Variants in TENM1 observed in about 807,000 individuals in gnomAD.
TENM1 encodes the protein teneurin-1.
TENM1 carries 35 observed loss-of-function variants against 174.8 expected under a neutral mutation model. The observed-to-expected ratio is 0.20, with a 90% CI of 0.15 to 0.27. The LOEUF (loss-of-function observed/expected upper bound fraction) is 0.27. TENM1 is among the 10% of genes least tolerant of loss of function. TENM1 has a pLI of 1.00. For missense variants in TENM1, 1,633 were observed against 2,130.1 expected (o/e 0.77, Z 4.59); for synonymous variants, 781 against 798.7 (o/e 0.98, Z 0.37).
intron 3 of TENM1, among the ~76,000 whole-genome samples, chrX:124,870,213 A>C (rs945441079): frequency 1.8e-5 from 2 of 111,954 alleles, no homozygotes; most frequent in South Asian, 3.7e-4. Flanking sequence ...TAAATCATAT[A>C]CCAAAAGTTA....
chrX:124,492,249 C>T (rs1401932560), intron 20 of TENM1, among the ~76,000 whole-genome samples: 1 of 111,450 alleles, frequency 9.0e-6, no homozygotes, highest in East Asian at 2.8e-4. Flanking sequence ...AGTAAAGTGA[C>T]TAATTTGCAT....
chrX:124,805,958 G>A (rs751692995), intron 3 of TENM1, among the ~76,000 whole-genome samples: 1 of 111,172 alleles, frequency 9.0e-6, no homozygotes, highest in East Asian at 2.8e-4. Context: ...ACAAAATAAA[G>A]TGCCAGTGAC....
Position 124,471,196 on chromosome X carries a change from ATAATATATAGTACTATATATTATAAT to A in TENM1, c.3949+10510_3949+10535del, listed in dbSNP as rs1569533396. Among the ~76,000 whole-genome samples the A allele has an allele frequency of 1.6e-3, 101 of 64,549 alleles. 2 individuals are homozygous for A. The highest frequency in any genetic ancestry group is 0.036 in the Middle Eastern group (2 of 55). The allele number at this position is 64,549 out of a possible 115,157, so 56.1% of individuals were successfully genotyped here. ...TATAGTACTATATAATATATATTAT[ATAATATATAGTACTATATATTATAAT>A]ATATAGTACTATATATAATATATAA... On this transcript the variant is annotated intron_variant, in intron 22 of 31. Coordinates refer to ENST00000422452, the Ensembl canonical transcript of TENM1.
At chrX:124,882,823 C>T (rs1221676904) in intron 3 of TENM1, among the ~76,000 whole-genome samples, 6 of 111,447 alleles carry the variant, frequency 5.4e-5, no homozygotes, top group Non-Finnish European at 7.5e-5. Context: ...AGCACTGAAT[C>T]TGTAAAACTG....
intron 22 of TENM1, among the ~76,000 whole-genome samples, chrX:124,462,431 T>TGGGG (rs1217120404): frequency 2.2e-4 from 2 of 9,022 alleles, no homozygotes; most frequent in African/African-American, 4.8e-4. Flanking sequence ...TGTGTGTGTG[T>TGGGG]GGGGGGGGTG....
intron 18 of TENM1, among the ~76,000 whole-genome samples, chrX:124,517,041 C>T (rs1035411733): frequency 1.2e-4 from 13 of 111,359 alleles, no homozygotes; most frequent in African/African-American, 3.9e-4. Context: ...AGCAAACTAA[C>T]GCAGAAACAG....
At chrX:124,632,678 G>A (rs1221305567) in intron 11 of TENM1, among the ~76,000 whole-genome samples, 1 of 110,235 alleles carries the variant, frequency 9.1e-6, no homozygotes, top group Non-Finnish European at 1.9e-5. Flanking sequence ...CTCTAATAAT[G>A]ACCCTGGATC....
intron 6 of TENM1, among the ~76,000 whole-genome samples, chrX:124,659,426 T>C (rs769113164): frequency 2.7e-5 from 3 of 111,953 alleles, no homozygotes; most frequent in Non-Finnish European, 5.6e-5. Flanking sequence ...TAAAAGAAAC[T>C]GTGAGATTTG....
At chrX:124,609,301 T>A (rs2050232092) in intron 11 of TENM1, among the ~76,000 whole-genome samples, 1 of 111,403 alleles carries the variant, frequency 9.0e-6, no homozygotes, top group Admixed American at 9.5e-5. Context: ...ACATAGTCGC[T>A]GAAGAAAAAA....
At chrX:125,005,396 A>G in the TENM1 span, among the ~76,000 whole-genome samples, 4 of 93,280 alleles carry the variant, frequency 4.3e-5, no homozygotes, top group Admixed American at 1.2e-4. Context: ...CAATCTTTTG[A>G]CCTGACTTGG....
intron 23 of TENM1, among the ~76,000 whole-genome samples, chrX:124,423,471 A>G (rs2060677892): frequency 9.0e-6 from 1 of 111,725 alleles, no homozygotes; most frequent in African/African-American, 3.3e-5. Context: ...TTTGTGGTAT[A>G]GTAGAGCCCT....
rs946285215 is a variant in TENM1 at position 124,674,342 on chromosome X, A to C, written c.1016-2507T>G. Among the ~76,000 whole-genome samples, 4 of 102,327 alleles carry C rather than the reference A, an allele frequency of 3.9e-5. No individual in the cohort carries two copies. The East Asian group carries it at 1.2e-3, about 30-fold the overall frequency. The allele number at this position is 102,327 out of a possible 115,157, so 88.9% of individuals were successfully genotyped here. A position where few individuals can be genotyped will look rare whatever the true frequency, so the allele number is the denominator to read the frequency against. ...AAAAAAAAAAAAAGTGAATCTGCTC[A>C]TAAGCCATTTCGTATTTCTCTTTGT... is the stretch of plus-strand genomic sequence containing the variant. On this transcript the variant is annotated intron_variant, in intron 5 of 31. Transcript: ENST00000422452.
chrX:124,842,165 T>C (rs2056515669), intron 3 of TENM1, among the ~76,000 whole-genome samples: 1 of 111,654 alleles, frequency 9.0e-6, no homozygotes, highest in African/African-American at 3.3e-5. Context: ...GCTCTCAGTC[T>C]ACTGCCTAGA....
intron 19 of TENM1, among the ~76,000 whole-genome samples, chrX:124,502,486 G>A (rs1427814528): frequency 1.8e-5 from 2 of 112,472 alleles, no homozygotes; most frequent in African/African-American, 3.2e-5. Flanking sequence ...CAATATAAGT[G>A]AGTGGAAAAG....
chrX:124,770,510 A>G (rs1342781078), intron 3 of TENM1, among the ~76,000 whole-genome samples: 1 of 111,077 alleles, frequency 9.0e-6, no homozygotes, highest in East Asian at 2.8e-4. Context: ...GGCTCAAGTG[A>G]TCCTCCTACC....
rs142470181 is a variant in TENM1 at position 124,484,433 on chromosome X, G to A, written c.3717-2469C>T. Among the ~76,000 whole-genome samples, 119 of 111,687 alleles carry A rather than the reference G, an allele frequency of 1.1e-3. 3 individuals carry two copies. In the East Asian group the frequency reaches 0.029, roughly 27 times the overall value. Reference sequence around the variant, plus strand: ...GAGAGTTATGCTCCACCTCCTTGAGGGTGGAGTATCTACATAAATTATTTG... The same window carrying A: ...GAGAGTTATGCTCCACCTCCTTGAGAGTGGAGTATCTACATAAATTATTTG... On this transcript the variant is annotated intron_variant, in intron 21 of 31. Coordinates refer to ENST00000422452, the Ensembl canonical transcript of TENM1.
At position 124,726,941 on chromosome X, in the gene TENM1, A is replaced by G. The variant is rs184700756; in HGVS notation, c.776+10016T>C. The stretch of plus-strand genomic sequence containing the variant: ...TAGAAACTAGCTCTGGAAGTATAGT[A>G]ATACACATTGGTCATATAAGTTTCA... On this transcript the variant is annotated intron_variant, in intron 4 of 31. Transcript: ENST00000422452. 1.4e-4 allele frequency among the ~76,000 whole-genome samples: 16 copies of G among 112,384 alleles called. No individual in the cohort carries two copies. In the East Asian group the frequency reaches 4.5e-3, roughly 31 times the overall value.
upstream of TENM1, chrX:124,963,871 A>C (rs1404770273): frequency 1.4e-5 from 8 of 588,255 alleles, no homozygotes; most frequent in Non-Finnish European, 1.1e-5. Flanking sequence ...TTTTGTGAGG[A>C]AATGCATCTG....
intron 1 of TENM1, among the ~76,000 whole-genome samples, chrX:124,909,492 CTGACAA>C (rs1569479501): frequency 1.8e-5 from 2 of 112,169 alleles, no homozygotes; most frequent in Non-Finnish European, 3.8e-5. Context: ...TCTTTTGTCA[CTGACAA>C]TATAAAAATA....
Sources: gnomAD v4.1 joint callset for allele counts (sites outside exome capture counted in the v4.1 genomes callset) on GRCh38, gnomAD v4.1.1 for gene constraint, MANE v1.5 for transcripts, NCBI Gene and HGNC (gene_info 2026-07-23, HGNC 2026-07-21) for gene names.